Variants in UBR1 observed in about 807,000 individuals in gnomAD.
UBR1 encodes the protein ubiquitin protein ligase E3 component n-recognin 1, also known as E3 ubiquitin-protein ligase UBR1.
A neutral mutation model predicts 242.1 loss-of-function variants in UBR1; 102 were observed. The observed-to-expected ratio is 0.42, with a 90% CI of 0.36 to 0.50. The LOEUF is 0.50. UBR1 is among the 20% of genes least tolerant of loss of function. The probability of loss-of-function intolerance (pLI) is 0.01; values close to 1 mark genes in which losing one functional copy is unlikely to be tolerated. For missense variants in UBR1, 1,772 were observed against 2,101.8 expected (o/e 0.84, Z 3.07); for synonymous variants, 675 against 684.8 (o/e 0.99, Z 0.22).
At chr15:42,951,793 T>A (rs923395688) in intron 45 of UBR1, among the ~76,000 whole-genome samples, 1 of 151,852 alleles carries the variant, frequency 6.6e-6, no homozygotes, top group African/African-American at 2.4e-5. Flanking sequence ...TAATTTTTTA[T>A]AGAGATGGGG....
At position 42,984,233 on chromosome 15, in the gene UBR1, T is replaced by C. The variant is rs182809813; in HGVS notation, c.4054-240A>G. ...AGTGGTATTAAAGCTATAATTATTT[T>C]AATTTTCACATAAAAAGTGTTTTCC... is the stretch of plus-strand genomic sequence containing the variant. On this transcript the variant is annotated intron_variant, in intron 36 of 46. Coordinates refer to ENST00000290650, the MANE Select transcript of UBR1 (RefSeq NM_174916.3). Among the ~76,000 whole-genome samples, 334 of 152,376 alleles carry C rather than the reference T, an allele frequency of 2.2e-3. 4 individuals carry two copies. The highest frequency in any genetic ancestry group is 0.02 in the Admixed American group (299 of 15,308).
Position 43,040,494 on chromosome 15 carries a change from C to T in UBR1, c.1850-2262G>A, listed in dbSNP as rs1400827856. On this transcript the variant is annotated intron_variant, in intron 15 of 46. Coordinates refer to ENST00000290650, the MANE Select transcript of UBR1 (RefSeq NM_174916.3). ...AAATGTAAGACCTAAACCATAAAAA[C>T]CCTAGAAGAAAACCTAGGCAATACC... Among the ~76,000 whole-genome samples the T allele has an allele frequency of 2.6e-5, 4 of 152,220 alleles. No homozygotes were observed. The East Asian group carries it at 7.7e-4, about 29-fold the overall frequency.
At chr15:43,069,263 G>A (rs2033793411) in intron 5 of UBR1, among the ~76,000 whole-genome samples, 1 of 151,920 alleles carries the variant, frequency 6.6e-6, no homozygotes, top group African/African-American at 2.4e-5. Context: ...GCTGCCACGG[G>A]CTACATATGT....
At chr15:42,953,221 C>T (rs2031863736) in intron 44 of UBR1, among the ~76,000 whole-genome samples, 1 of 152,142 alleles carries the variant, frequency 6.6e-6, no homozygotes, top group Non-Finnish European at 1.5e-5. Context: ...GCTATAATGC[C>T]CCACCAAGGG....
At chr15:43,038,336 CG>C in intron 15 of UBR1, 104 bp from the exon 16 acceptor site, 1 of 1,150,522 alleles carries the variant, frequency 8.7e-7, no homozygotes, top group Non-Finnish European at 1.3e-6. Flanking sequence ...TGGCTGGGCG[CG>C]GTGGCTCATG....
rs186950556 is a variant in UBR1 at position 43,049,435 on chromosome 15, T to C, written c.1440-944A>G. Among the ~76,000 whole-genome samples, 1,197 of 152,020 alleles carry C rather than the reference T, an allele frequency of 7.9e-3. 13 individuals are homozygous for C. Among genetic ancestry groups the C allele is most frequent in the African/African-American group, 0.026 (1,064 of 41,464 alleles). ...AAAATTAGCTGGGCGTGGTGGCGGGTGCCTGTAGTCCCAGCTACTCGGGAG... is the reference window on the plus strand; with the variant it reads ...AAAATTAGCTGGGCGTGGTGGCGGGCGCCTGTAGTCCCAGCTACTCGGGAG... On this transcript the variant is annotated intron_variant, in intron 12 of 46. Transcript: ENST00000290650.
intron 33 of UBR1, among the ~76,000 whole-genome samples, chr15:42,992,519 T>TACA (rs1567118060): frequency 3.3e-5 from 5 of 152,364 alleles, no homozygotes; most frequent in African/African-American, 1.2e-4. Flanking sequence ...CTGTGGTGTT[T>TACA]TGATCTGCCC....
intron 6 of UBR1, among the ~76,000 whole-genome samples, chr15:43,065,463 G>A (rs2033740823): frequency 6.6e-6 from 1 of 151,910 alleles, no homozygotes; most frequent in African/African-American, 2.4e-5. Context: ...CATCACCTAG[G>A]TATTAAGCCC....
intron 45 of UBR1, 58 bp from the exon 46 acceptor site, chr15:42,950,421 C>T (rs912082613): frequency 6.2e-6 from 9 of 1,453,464 alleles, no homozygotes; most frequent in African/African-American, 1.4e-5. Flanking sequence ...ATGATAGGCA[C>T]TGCATCAATG....
chr15:42,957,629 T>C (rs2031944374), intron 44 of UBR1, among the ~76,000 whole-genome samples: 1 of 152,118 alleles, frequency 6.6e-6, no homozygotes, highest in African/African-American at 2.4e-5. Context: ...TCCCAACATT[T>C]TGGGAGGCCA....
intron 44 of UBR1, among the ~76,000 whole-genome samples, chr15:42,957,365 C>T (rs568452688): frequency 2.9e-4 from 44 of 152,054 alleles, no homozygotes; most frequent in African/African-American, 9.2e-4. Flanking sequence ...CCATAGGGTA[C>T]GGGATGAGGG....
intron 39 of UBR1, among the ~76,000 whole-genome samples, chr15:42,972,553 T>C (rs1398097447): frequency 6.6e-6 from 1 of 151,988 alleles, no homozygotes; most frequent in Admixed American, 6.6e-5. Context: ...ATTTATTTAG[T>C]GGAGATGGGA....
intron 3 of UBR1, among the ~76,000 whole-genome samples, chr15:43,075,910 C>G (rs1243896937): frequency 6.6e-6 from 1 of 151,666 alleles, no homozygotes; most frequent in African/African-American, 2.4e-5. Flanking sequence ...CCACCATGCC[C>G]AACCTGATAA....
intron 40 of UBR1, among the ~76,000 whole-genome samples, chr15:42,966,881 T>C (rs541329797): frequency 6.6e-6 from 1 of 152,190 alleles, no homozygotes; most frequent in South Asian, 2.1e-4. Context: ...TTAAAGGAAC[T>C]TGACTCTTAA....
chr15:43,053,460 T>C (rs1256407571), intron 12 of UBR1, among the ~76,000 whole-genome samples: 1 of 152,188 alleles, frequency 6.6e-6, no homozygotes, highest in Admixed American at 6.5e-5. Context: ...AGTTTTTGTT[T>C]TGTACAACAT....
intron 6 of UBR1, 40 bp from the exon 7 acceptor site, chr15:43,060,154 T>A (rs2033665625): frequency 1.3e-6 from 2 of 1,585,468 alleles, no homozygotes; most frequent in Admixed American, 3.3e-5. Flanking sequence ...AGTGAAATGA[T>A]AACCACAATC....
In UBR1 at chr15:43,015,755, G is replaced by A. The variant is rs758995090; in HGVS notation, c.3142C>T (p.His1048Tyr). 1 of 1,614,120 alleles carries A rather than the reference G, an allele frequency of 6.2e-7. No homozygotes were observed. Among genetic ancestry groups the A allele is most frequent in the South Asian group, 1.1e-5 (1 of 91,078 alleles). Residue 1048 changes from histidine to tyrosine, a missense_variant, in exon 29 of 47, where the codon CAT (histidine) becomes TAT (tyrosine). Around this residue, in one of 3 missense-constraint regions of UBR1, gnomAD observed 965 missense variants for 1,079.7 expected, o/e 0.89. Transcript: ENST00000290650. ...SALQKNFIET[H>Y]KLMYDNTSEM... ...GATGTATTGTCATACATGAGTTTATGAGTTTCAATGAAGTTTTTCTGTAAG... is the reference window on the plus strand; with the variant it reads ...GATGTATTGTCATACATGAGTTTATAAGTTTCAATGAAGTTTTTCTGTAAG...
chr15:43,054,628 C>G, intron 12 of UBR1, 114 bp downstream of exon 12: 3 of 1,176,664 alleles, frequency 2.5e-6, no homozygotes, highest in Non-Finnish European at 1.3e-6. Context: ...TACTTGCCAT[C>G]ATTATAAAGA....
intron 3 of UBR1, among the ~76,000 whole-genome samples, chr15:43,076,056 G>C (rs907499867): frequency 6.6e-6 from 1 of 151,724 alleles, no homozygotes; most frequent in Non-Finnish European, 1.5e-5. Context: ...TGCCATCTCG[G>C]CTCACTGCAA....
Sources: allele counts gnomAD v4.1 joint callset (sites outside exome capture counted in the v4.1 genomes callset), GRCh38; gene constraint gnomAD v4.1.1; regional missense constraint gnomAD v4.1.1; transcripts MANE v1.5; gene names NCBI Gene and HGNC (gene_info 2026-07-23, HGNC 2026-07-21).